ARHGAP24: variants seen among roughly 807,000 people sequenced by gnomAD.
ARHGAP24 encodes the protein Rho GTPase activating protein 24, also known as rho GTPase-activating protein 24.
A neutral mutation model predicts 76.4 loss-of-function variants in ARHGAP24; 50 were observed. That is an observed-to-expected ratio of 0.65 (90% CI 0.52 to 0.83). The LOEUF is 0.83. ARHGAP24 is among the 40% of genes least tolerant of loss of function. ARHGAP24 has a pLI of 0.00. For synonymous variants in ARHGAP24, 345 were observed against 323.3 expected, an observed-to-expected ratio of 1.07 and a Z score of -0.72; for missense variants, 930 against 914.2, an observed-to-expected ratio of 1.02 and a Z score of -0.22.
At position 86,000,609 on chromosome 4, in the gene ARHGAP24, G is replaced by A. The variant is rs768703185; in HGVS notation, c.2134G>A (p.Glu712Lys). The A allele has an allele frequency of 1.2e-6, 2 of 1,613,842 alleles. No homozygotes were observed. Among genetic ancestry groups the A allele is most frequent in the African/African-American group, 2.7e-5 (2 of 74,868 alleles). The change falls in exon 10 of 10, where the codon GAG becomes AAG. Residue 712 changes from glutamate to lysine, a missense_variant. Transcript: ENST00000395184. ...TGCCGAGCGAGCAAAAGAAGATGCC[G>A]AGAAAAGAAATGACATGCTACAGAA... ...RNAERAKEDA[E>K]KRNDMLQKEM...
intron 3 of ARHGAP24, among the ~76,000 whole-genome samples, chr4:85,755,621 C>CT (rs1333998454): frequency 4.7e-5 from 1 of 21,302 alleles, no homozygotes; most frequent in Non-Finnish European, 9.9e-4. Flanking sequence ...AGCTTCTATT[C>CT]TTTTGTTTTG....
chr4:85,702,104 TTCTC>T (rs1245238444), intron 2 of ARHGAP24, among the ~76,000 whole-genome samples: 11 of 152,294 alleles, frequency 7.2e-5, no homozygotes, highest in African/African-American at 2.6e-4. Flanking sequence ...TCTTTTTCCT[TTCTC>T]TCTAGTTATA....
intron 3 of ARHGAP24, among the ~76,000 whole-genome samples, chr4:85,810,444 G>A (rs926140342): frequency 2.0e-5 from 3 of 152,142 alleles, no homozygotes; most frequent in African/African-American, 2.4e-5. Flanking sequence ...TGTCAGATGC[G>A]TGGATTCTGG....
intron 2 of ARHGAP24, among the ~76,000 whole-genome samples, chr4:85,574,017 A>T (rs1266054769): frequency 6.6e-6 from 1 of 152,238 alleles, no homozygotes; most frequent in Non-Finnish European, 1.5e-5. Context: ...AAATATCATG[A>T]GTAAAATTTT....
intron 2 of ARHGAP24, among the ~76,000 whole-genome samples, chr4:85,631,566 C>CA: frequency 6.6e-6 from 1 of 152,064 alleles, no homozygotes; most frequent in Non-Finnish European, 1.5e-5. Flanking sequence ...ATAAGACTTA[C>CA]AAAAAATTAT....
chr4:85,573,755 G>A (rs1211250231), intron 2 of ARHGAP24, among the ~76,000 whole-genome samples: 1 of 152,190 alleles, frequency 6.6e-6, no homozygotes, highest in Non-Finnish European at 1.5e-5. Context: ...GGTTGTGTGT[G>A]TATCTGTGTG....
At chr4:85,855,686 G>A (rs563724734) in intron 3 of ARHGAP24, among the ~76,000 whole-genome samples, 1 of 151,944 alleles carries the variant, frequency 6.6e-6, no homozygotes, top group Admixed American at 6.6e-5. Context: ...GCTGAGGCAG[G>A]AGAATGGCTT....
intron 1 of ARHGAP24, among the ~76,000 whole-genome samples, chr4:85,536,675 A>G (rs893444090): frequency 6.6e-6 from 1 of 152,190 alleles, no homozygotes; most frequent in Non-Finnish European, 1.5e-5. Context: ...TAATAATAGC[A>G]TATATGACAG....
intron 2 of ARHGAP24, among the ~76,000 whole-genome samples, chr4:85,684,708 T>G (rs1429378480): frequency 6.6e-6 from 1 of 152,208 alleles, no homozygotes; most frequent in Non-Finnish European, 1.5e-5. Flanking sequence ...TACAGTTGAT[T>G]GAGAGTCAGG....
chr4:85,772,085 C>T (rs1727152506), intron 3 of ARHGAP24, among the ~76,000 whole-genome samples: 1 of 152,178 alleles, frequency 6.6e-6, no homozygotes, highest in South Asian at 2.1e-4. Flanking sequence ...GTTTATTAAT[C>T]TGGCCTTTAT....
chr4:85,600,955 G>GTGA (rs1720008274), intron 2 of ARHGAP24, among the ~76,000 whole-genome samples: 1 of 152,192 alleles, frequency 6.6e-6, no homozygotes, highest in African/African-American at 2.4e-5. Flanking sequence ...TCATTGGCAA[G>GTGA]TGATGGCTAA....
intron 3 of ARHGAP24, among the ~76,000 whole-genome samples, chr4:85,772,293 T>G (rs550961432): frequency 6.6e-6 from 1 of 152,152 alleles, no homozygotes; most frequent in Admixed American, 6.5e-5. Context: ...TAATTGTCAT[T>G]AACAGCAGTG....
intron 4 of ARHGAP24, 123 bp from the exon 5 acceptor site, chr4:85,941,943 G>A (rs1736971675): frequency 1.1e-5 from 10 of 943,338 alleles, no homozygotes; most frequent in African/African-American, 1.6e-5. Context: ...GTGAAATACT[G>A]AATGTTAAGT....
At chr4:85,615,527 G>A (rs557844012) in intron 2 of ARHGAP24, among the ~76,000 whole-genome samples, 1 of 152,196 alleles carries the variant, frequency 6.6e-6, no homozygotes, top group Admixed American at 6.5e-5. Context: ...TATACATGCT[G>A]GATGCCAGAA....
At chr4:85,976,185 A>G (rs1015741553) in intron 7 of ARHGAP24, among the ~76,000 whole-genome samples, 1 of 152,198 alleles carries the variant, frequency 6.6e-6, no homozygotes, top group Non-Finnish European at 1.5e-5. Context: ...ATTTAAGCAG[A>G]TTTTTAATTT....
At chr4:85,606,075 T>C (rs180943586) in intron 2 of ARHGAP24, among the ~76,000 whole-genome samples, 3 of 152,302 alleles carry the variant, frequency 2.0e-5, no homozygotes, top group African/African-American at 7.2e-5. Context: ...AACATTTATG[T>C]CATGGGTGGT....
At chr4:85,871,920 A>G (rs1732547682) in intron 3 of ARHGAP24, among the ~76,000 whole-genome samples, 1 of 152,130 alleles carries the variant, frequency 6.6e-6, no homozygotes, top group Non-Finnish European at 1.5e-5. Flanking sequence ...AGATAAGGAT[A>G]AGAAGAAATG....
At chr4:85,963,060 A>G (rs1228495071) in intron 5 of ARHGAP24, among the ~76,000 whole-genome samples, 3 of 152,090 alleles carry the variant, frequency 2.0e-5, no homozygotes, top group Admixed American at 6.6e-5. Flanking sequence ...CACATTTACA[A>G]TAGAATCTCT....
chr4:85,697,078 A>G (rs1340439794), intron 2 of ARHGAP24, among the ~76,000 whole-genome samples: 3 of 152,198 alleles, frequency 2.0e-5, no homozygotes, highest in Non-Finnish European at 4.4e-5. Context: ...TCACTGGACC[A>G]ACGATCAGCT....
Sources: gnomAD v4.1 joint callset for allele counts (sites outside exome capture counted in the v4.1 genomes callset) on GRCh38, gnomAD v4.1.1 for gene constraint, MANE v1.5 for transcripts, NCBI Gene and HGNC (gene_info 2026-07-23, HGNC 2026-07-21) for gene names.